Variants in YTHDC2 observed in about 807,000 individuals in gnomAD.
YTHDC2 encodes 3'-5' RNA helicase YTHDC2.
In YTHDC2, 45 loss-of-function variants were observed where a neutral mutation model predicts 174.9. The observed-to-expected ratio is 0.26, with a 90% CI of 0.20 to 0.33. The LOEUF is 0.33. YTHDC2 is among the 10% of genes least tolerant of loss of function. The probability of loss-of-function intolerance (pLI) is 1.00; values close to 1 mark genes in which losing one functional copy is unlikely to be tolerated. For synonymous variants in YTHDC2, 657 were observed against 574.5 expected (o/e 1.14, Z -2.05); for missense variants, 1,650 against 1,723.7 (o/e 0.96, Z 0.76).
At position 113,587,705 on chromosome 5, in the gene YTHDC2, CTTTG is replaced by C. The variant is rs1318794095; in HGVS notation, c.3825+3230_3825+3233del. Reference sequence around the variant, plus strand: ...AATCCTTCAATCAATTGTCCTTCAACTTTGTTTATCTTCTTCAATATTATTTTGG... The same window carrying C: ...AATCCTTCAATCAATTGTCCTTCAACTTTATCTTCTTCAATATTATTTTGG... On this transcript the variant is annotated intron_variant, in intron 26 of 29. Transcript: ENST00000161863. Among the ~76,000 whole-genome samples the C allele has an allele frequency of 1.3e-4, 19 of 150,484 alleles. 1 individual carries two copies. Among genetic ancestry groups the C allele is most frequent in the Admixed American group, 9.4e-4 (14 of 14,924 alleles).
chr5:113,593,160 T>C (rs188902372), intron 28 of YTHDC2, 143 bp from the exon 29 acceptor site: 202 of 603,278 alleles, frequency 3.3e-4, no homozygotes, highest in Middle Eastern at 4.6e-4. Context: ...TTAGAACAAT[T>C]CATACCAGAT....
chr5:113,581,673 A>G lies in YTHDC2; in HGVS notation c.3611A>G (p.Asp1204Gly). Residue 1204 changes from aspartate to glycine, a missense_variant, in exon 25 of 30, where the codon GAT becomes GGT. Asp to Gly is a moderately conservative substitution (Grantham distance 94, BLOSUM62 -1). Transcript: ENST00000161863. ...RSNNSRKSSADTEFSDECTTA... is the reference protein window; with the variant it reads ...RSNNSRKSSAGTEFSDECTTA... ...AATAATAGTAGGAAAAGTTCAGCAGATACTGAATTTTCTGATGAGTGTACT... is the reference window on the plus strand; with the variant it reads ...AATAATAGTAGGAAAAGTTCAGCAGGTACTGAATTTTCTGATGAGTGTACT... 9 of 1,607,972 alleles carry G rather than the reference A, an allele frequency of 5.6e-6. No homozygotes were observed. Among genetic ancestry groups the G allele is most frequent in the Non-Finnish European group, 6.8e-6 (8 of 1,177,874 alleles).
At chr5:113,538,201 G>C (rs1404534730) in intron 7 of YTHDC2, among the ~76,000 whole-genome samples, 1 of 152,058 alleles carries the variant, frequency 6.6e-6, no homozygotes, top group Non-Finnish European at 1.5e-5. Flanking sequence ...ATCTCATTCA[G>C]GTTAACCTGA....
At chr5:113,587,442 A>C (rs1778738593) in intron 26 of YTHDC2, among the ~76,000 whole-genome samples, 2 of 84,774 alleles carry the variant, frequency 2.4e-5, no homozygotes, top group Non-Finnish European at 3.8e-5. Context: ...ATATATAAAT[A>C]TATATTATGT....
chr5:113,531,486 A>C (rs1222112402), intron 4 of YTHDC2, among the ~76,000 whole-genome samples: 1 of 152,082 alleles, frequency 6.6e-6, no homozygotes, highest in Non-Finnish European at 1.5e-5. Flanking sequence ...GACCAATTAA[A>C]GGTTGGTCTT....
chr5:113,567,521 A>G, intron 22 of YTHDC2, 133 bp from the exon 23 acceptor site: 1 of 765,270 alleles, frequency 1.3e-6, no homozygotes, highest in Non-Finnish European at 1.9e-6. Context: ...ATGAGCGATG[A>G]CTTGTTTTAA....
Position 113,567,427 on chromosome 5 carries a change from T to TATATATATATATATATAA in YTHDC2, c.3048+130_3048+131insATATATATATATATATAA, listed in dbSNP as rs138503872. 1,338 of 374,882 alleles carry TATATATATATATATATAA rather than the reference T, an allele frequency of 3.6e-3. 58 individuals are homozygous for TATATATATATATATATAA. The highest frequency in any genetic ancestry group is 0.032 in the African/African-American group (1,271 of 39,402). 23.2% of individuals were successfully genotyped at this position (374,882 alleles called of 1,614,324 possible). A position where few individuals can be genotyped will look rare whatever the true frequency, so the allele number is the denominator to read the frequency against. On this transcript the variant is annotated intron_variant, in intron 22 of 29. Transcript: ENST00000161863. ...AGTTATATATATATATATATATATA[T>TATATATATATATATATAA]CATTAAATATTGGAACAAAACTTAT...
At chr5:113,538,849 A>G (rs1260547495) in intron 7 of YTHDC2, among the ~76,000 whole-genome samples, 1 of 152,170 alleles carries the variant, frequency 6.6e-6, no homozygotes, top group Non-Finnish European at 1.5e-5. Flanking sequence ...ACACATGATA[A>G]GTAGGTAGTA....
intron 2 of YTHDC2, among the ~76,000 whole-genome samples, chr5:113,519,969 G>A (rs1773750847): frequency 6.6e-6 from 1 of 152,142 alleles, no homozygotes; most frequent in South Asian, 2.1e-4. Flanking sequence ...GTGCCCTGGT[G>A]GTTTGCTGCA....
At chr5:113,534,164 C>T in intron 5 of YTHDC2, 141 bp from the exon 6 acceptor site, 2 of 533,260 alleles carry the variant, frequency 3.8e-6, no homozygotes, top group South Asian at 7.6e-5. Context: ...AACCTCATAG[C>T]TTTACTAATA....
intron 23 of YTHDC2, among the ~76,000 whole-genome samples, chr5:113,572,913 T>G (rs1777824162): frequency 6.6e-6 from 1 of 152,208 alleles, no homozygotes; most frequent in Admixed American, 6.5e-5. Flanking sequence ...TTTATCCAGT[T>G]TGCCATTCTG....
intron 17 of YTHDC2, chr5:113,556,459 A>G (rs1364915030): frequency 5.7e-6 from 1 of 175,458 alleles, no homozygotes; most frequent in Non-Finnish European, 1.2e-5. Flanking sequence ...GAAATCAACT[A>G]AAGGCCAATA....
intron 24 of YTHDC2, chr5:113,581,214 T>A: frequency 4.5e-6 from 2 of 446,090 alleles, no homozygotes; most frequent in Non-Finnish European, 7.6e-6. Context: ...GACTATTTAA[T>A]TTGATTTTGT....
At position 113,567,017 on chromosome 5, in the gene YTHDC2, A is replaced by G. The variant is rs569249992; in HGVS notation, c.2843-75A>G. On this transcript the variant is annotated intron_variant, in intron 21 of 29. Transcript: ENST00000161863. ...ATATCACAAAATTTACATGAGTTGT[A>G]CAAGTTTTTGGAAAAAATACACAAA... 4.3e-5 allele frequency: 63 copies of G among 1,462,052 alleles called. No homozygotes were observed. In the South Asian group the frequency reaches 8.5e-4, roughly 20 times the overall value. The allele number at this position is 1,462,052 out of a possible 1,614,324, so 90.6% of individuals were successfully genotyped here. A position where few individuals can be genotyped will look rare whatever the true frequency, so the allele number is the denominator to read the frequency against.
At position 113,548,644 on chromosome 5, in the gene YTHDC2, C is replaced by T. The variant is rs766243616; in HGVS notation, c.1599C>T (p.Val533=). 2.5e-5 allele frequency: 41 copies of T among 1,610,714 alleles called. No individual in the cohort carries two copies. Among genetic ancestry groups the T allele is most frequent in the Non-Finnish European group, 3.3e-5 (39 of 1,178,764 alleles). Reference sequence around the variant, plus strand: ...AGTTAATCAGTATGGGAGCCAATGTCCATAGTAAAGCATCAAATGGCTGGT... The same window carrying T: ...AGTTAATCAGTATGGGAGCCAATGTTCATAGTAAAGCATCAAATGGCTGGT... ...VEQLISMGAN[V]HSKASNGWMA... is the part of the protein sequence containing the mutation. The change falls in exon 11 of 30, where the codon GTC becomes GTT. Residue 533 remains valine (V), a synonymous_variant. Transcript: ENST00000161863.
intron 4 of YTHDC2, among the ~76,000 whole-genome samples, chr5:113,531,713 C>G (rs1223884592): frequency 6.6e-6 from 1 of 151,822 alleles, no homozygotes. Context: ...AAAAAAAATC[C>G]TAGGGGCCAG....
At chr5:113,569,491 T>C (rs1396023872) in intron 23 of YTHDC2, among the ~76,000 whole-genome samples, 1 of 152,206 alleles carries the variant, frequency 6.6e-6, no homozygotes, top group African/African-American at 2.4e-5. Context: ...TACATTTAAG[T>C]CTTTAATCCA....
chr5:113,553,740 T>C (rs1203353223), intron 14 of YTHDC2, 27 bp from the exon 15 acceptor site: 2 of 1,612,178 alleles, frequency 1.2e-6, no homozygotes, highest in Non-Finnish European at 1.7e-6. Context: ...GGTCTTATAG[T>C]ATGTTTTCTC....
chr5:113,528,521 A>G (rs1774438334), intron 4 of YTHDC2, among the ~76,000 whole-genome samples: 1 of 151,656 alleles, frequency 6.6e-6, no homozygotes, highest in Non-Finnish European at 1.5e-5. Context: ...AGAAGGTGGA[A>G]GATTTTTTTT....
Sources: gnomAD v4.1 joint callset for allele counts (sites outside exome capture counted in the v4.1 genomes callset) on GRCh38, gnomAD v4.1.1 for gene constraint, MANE v1.5 for transcripts, NCBI Gene and HGNC (gene_info 2026-07-23, HGNC 2026-07-21) for gene names.